SPECC1: variants seen among roughly 807,000 people sequenced by gnomAD.
SPECC1 encodes cytospin-B.
SPECC1 carries 62 observed loss-of-function variants against 104.1 expected under a neutral mutation model. The ratio of observed to expected loss-of-function variants is 0.60; its 90% CI spans 0.49 to 0.74. The LOEUF is 0.74. SPECC1 is among the 30% of genes least tolerant of loss of function. SPECC1 has a pLI of 0.00. For synonymous variants in SPECC1, 513 were observed against 501.6 expected (o/e 1.02, Z -0.30); for missense variants, 1,306 against 1,310.5 (o/e 1.00, Z 0.05).
In SPECC1 at chr17:20,297,059, G is replaced by A. The variant is rs2142032658; in HGVS notation, c.3039G>A (p.Glu1013=). The change falls in exon 13 of 15, where the codon GAG becomes GAA. Residue 1013 remains glutamate (E), a synonymous_variant. Transcript: ENST00000395527. ...TYLPAHIPYQ[E]LNSQEKKRNL... Reference sequence around the variant, plus strand: ...TGCCTGCCCACATCCCCTACCAGGAGCTGAATAGTCAGGAGAAAGTAAGTC... The same window carrying A: ...TGCCTGCCCACATCCCCTACCAGGAACTGAATAGTCAGGAGAAAGTAAGTC... The A allele has an allele frequency of 6.2e-7, 1 of 1,614,090 alleles. No individual in the cohort carries two copies. The highest frequency in any genetic ancestry group is 1.1e-5 in the South Asian group (1 of 91,044).
intron 9 of SPECC1, among the ~76,000 whole-genome samples, chr17:20,247,951 A>G (rs539019510): frequency 1.3e-5 from 2 of 152,306 alleles, no homozygotes; most frequent in East Asian, 3.9e-4. Context: ...GAGCATCTGA[A>G]AGTTGGCCCA....
intron 1 of SPECC1, among the ~76,000 whole-genome samples, chr17:20,022,486 T>C (rs2044433887): frequency 6.6e-6 from 1 of 152,216 alleles, no homozygotes; most frequent in Non-Finnish European, 1.5e-5. Flanking sequence ...CTGTGTTGGA[T>C]AAGAATCCTT....
intron 1 of SPECC1, among the ~76,000 whole-genome samples, chr17:20,034,508 G>A (rs990847539): frequency 4.5e-4 from 69 of 152,110 alleles, no homozygotes; most frequent in African/African-American, 1.6e-3. Context: ...TGGAATTACA[G>A]GCATGAGCCA....
chr17:20,207,394 G>T (rs1282858193), intron 4 of SPECC1, among the ~76,000 whole-genome samples: 3 of 152,136 alleles, frequency 2.0e-5, no homozygotes, highest in Non-Finnish European at 4.4e-5. Flanking sequence ...GTCAGGCTTG[G>T]CATTGGGTTT....
intron 3 of SPECC1, among the ~76,000 whole-genome samples, chr17:20,114,294 C>T (rs1391038813): frequency 2.0e-5 from 3 of 152,020 alleles, no homozygotes; most frequent in South Asian, 4.2e-4. Flanking sequence ...TGGGTTCAAG[C>T]GATTCTCCTG....
At chr17:20,227,819 G>A (rs537260933) in intron 5 of SPECC1, among the ~76,000 whole-genome samples, 199 bp downstream of exon 5, 8 of 152,308 alleles carry the variant, frequency 5.3e-5, no homozygotes, top group Non-Finnish European at 7.3e-5. Flanking sequence ...GGAGGCTGAG[G>A]CAGGAGAATC....
chr17:20,035,650 G>T (rs2045041162), intron 1 of SPECC1, among the ~76,000 whole-genome samples: 3 of 151,516 alleles, frequency 2.0e-5, no homozygotes, highest in Admixed American at 2.0e-4. Context: ...TCATTATGCT[G>T]CTCAGGCTGG....
At chr17:20,189,351 A>G (rs1239389577) in intron 3 of SPECC1, among the ~76,000 whole-genome samples, 2 of 152,210 alleles carry the variant, frequency 1.3e-5, no homozygotes, top group African/African-American at 2.4e-5. Context: ...CGCAGTATGC[A>G]GAGAGAATTC....
chr17:20,193,427 C>T (rs1326691426), intron 3 of SPECC1, among the ~76,000 whole-genome samples: 1 of 152,196 alleles, frequency 6.6e-6, no homozygotes, highest in Non-Finnish European at 1.5e-5. Flanking sequence ...TTTCCCCCCT[C>T]CCTTTTATAA....
At chr17:20,017,249 G>C (rs570177809) in intron 1 of SPECC1, 1 of 152,472 alleles carries the variant, frequency 6.6e-6, no homozygotes, top group East Asian at 1.9e-4. Context: ...CTGTCTATAT[G>C]AGCTGCAACA....
At chr17:20,220,603 T>C (rs1241661347) in intron 4 of SPECC1, among the ~76,000 whole-genome samples, 2 of 146,978 alleles carry the variant, frequency 1.4e-5, no homozygotes, top group Non-Finnish European at 3.0e-5. Flanking sequence ...TTTCCAGATA[T>C]CAAGTCATAT....
At chr17:20,038,512 A>C (rs891425688) in intron 1 of SPECC1, among the ~76,000 whole-genome samples, 1 of 146,016 alleles carries the variant, frequency 6.8e-6, no homozygotes, top group East Asian at 2.0e-4. Context: ...CGATTCTCCT[A>C]CCTCAGCCTC....
chr17:20,040,415 A>G (rs899848598), intron 1 of SPECC1, among the ~76,000 whole-genome samples: 1 of 152,084 alleles, frequency 6.6e-6, no homozygotes, highest in African/African-American at 2.4e-5. Flanking sequence ...TTTGCTTACT[A>G]TGTTATTTCT....
intron 1 of SPECC1, chr17:20,073,433 T>C (rs930108299): frequency 2.0e-5 from 3 of 152,182 alleles, no homozygotes; most frequent in South Asian, 2.1e-4. Flanking sequence ...GATGGAAATA[T>C]GATTTTGCAC....
intron 3 of SPECC1, among the ~76,000 whole-genome samples, chr17:20,160,140 T>G (rs1037625453): frequency 6.6e-6 from 1 of 151,442 alleles, no homozygotes; most frequent in African/African-American, 2.4e-5. Context: ...CACTCTGTAT[T>G]AGTTATAGTT....
intron 4 of SPECC1, among the ~76,000 whole-genome samples, chr17:20,214,972 CAG>C (rs1344552554): frequency 6.6e-6 from 1 of 152,194 alleles, no homozygotes; most frequent in Non-Finnish European, 1.5e-5. Context: ...AGAGGAAACA[CAG>C]AATGTGGGGC....
At chr17:20,060,945 G>A (rs913626036) in intron 1 of SPECC1, among the ~76,000 whole-genome samples, 9 of 152,328 alleles carry the variant, frequency 5.9e-5, no homozygotes, top group African/African-American at 2.2e-4. Context: ...ATTAACTACT[G>A]TGTTAGTAGT....
chr17:20,174,132 C>T (rs963721079), intron 3 of SPECC1, among the ~76,000 whole-genome samples: 4 of 151,910 alleles, frequency 2.6e-5, no homozygotes, highest in African/African-American at 9.7e-5. Flanking sequence ...GGTTTCACCA[C>T]GTTGGTCAGG....
chr17:20,270,859 T>TACTGGA (rs2040385516), intron 12 of SPECC1, among the ~76,000 whole-genome samples: 1 of 152,198 alleles, frequency 6.6e-6, no homozygotes, highest in Non-Finnish European at 1.5e-5. Context: ...ACATTCCCAA[T>TACTGGA]ACTGGATACA....
Sources: gnomAD v4.1 joint callset for allele counts (sites outside exome capture counted in the v4.1 genomes callset) on GRCh38, gnomAD v4.1.1 for gene constraint, MANE v1.5 for transcripts, NCBI Gene and HGNC (gene_info 2026-07-23, HGNC 2026-07-21) for gene names.